PANK2: variants seen among roughly 807,000 people sequenced by gnomAD.
PANK2 encodes pantothenate kinase 2, also known as pantothenate kinase 2, mitochondrial.
A neutral mutation model predicts 43.1 loss-of-function variants in PANK2; 36 were observed. The observed-to-expected ratio is 0.84, with a 90% CI of 0.64 to 1.10. PANK2 has a LOEUF of 1.10. PANK2 is among the 50% of genes least tolerant of loss of function. The probability of loss-of-function intolerance (pLI) is 0.00; values close to 1 mark genes in which losing one functional copy is unlikely to be tolerated. For synonymous variants in PANK2, 281 were observed against 238.2 expected, an observed-to-expected ratio of 1.18 and a Z score of -1.66; for missense variants, 576 against 593.3, an observed-to-expected ratio of 0.97 and a Z score of 0.30.
intron 1 of PANK2, among the ~76,000 whole-genome samples, chr20:3,890,663 G>T (rs2090108483): frequency 6.6e-6 from 1 of 152,180 alleles, no homozygotes; most frequent in South Asian, 2.1e-4. Flanking sequence ...TTTAAATGCA[G>T]ATTGTGAGAG....
chr20:3,900,173 G>T lies in PANK2; in HGVS notation c.299-7753G>T, dbSNP rs6052155. On this transcript the variant is annotated intron_variant, in intron 1 of 6. Transcript: ENST00000610179. ...ATTTATTTTAGTCATTTAAATTCAA[G>T]TGTATAAATTCAGCAAGTGAGTTAA... is the stretch of plus-strand genomic sequence containing the variant. Among the ~76,000 whole-genome samples, 841 of 152,034 alleles carry T rather than the reference G, an allele frequency of 5.5e-3. 8 individuals are homozygous for T. Among genetic ancestry groups the T allele is most frequent in the African/African-American group, 0.019 (777 of 41,528 alleles).
intron 1 of PANK2, among the ~76,000 whole-genome samples, chr20:3,898,974 A>T (rs991491934): frequency 1.3e-5 from 2 of 151,610 alleles, no homozygotes; most frequent in African/African-American, 4.8e-5. Context: ...TCCCGGGTTC[A>T]AGTGATTCTC....
At chr20:3,906,784 T>G (rs559147459) in intron 1 of PANK2, among the ~76,000 whole-genome samples, 2 of 152,278 alleles carry the variant, frequency 1.3e-5, no homozygotes, top group East Asian at 3.9e-4. Context: ...TGCAGTCCAC[T>G]TTGATCCAAT....
intron 4 of PANK2, among the ~76,000 whole-genome samples, chr20:3,914,962 T>C (rs1397619441): frequency 6.6e-6 from 1 of 152,218 alleles, no homozygotes; most frequent in East Asian, 1.9e-4. Context: ...TTTGGATAAA[T>C]GTCTGCTGAA....
intron 6 of PANK2, among the ~76,000 whole-genome samples, chr20:3,922,317 G>T (rs192451494): frequency 1.3e-5 from 2 of 152,250 alleles, no homozygotes; most frequent in African/African-American, 4.8e-5. Context: ...GGTTTGCCCC[G>T]TTTTCTCTAA....
In PANK2 at chr20:3,927,070, AC is replaced by A. The variant is rs2090732039; in HGVS notation, c.*3777del. 1 of 152,102 alleles carries A rather than the reference AC, an allele frequency of 6.6e-6. No homozygotes were observed. The highest frequency in any genetic ancestry group is 1.5e-5 in the Non-Finnish European group (1 of 68,300). The allele number at this position is 152,102 out of a possible 1,614,324, so 9.4% of individuals were successfully genotyped here. On this transcript the variant is annotated 3_prime_UTR_variant, in exon 7 of 7. Transcript: ENST00000610179. ...GCCAGGGGGCTTCAGACTCCACTGT[AC>A]TCTGCATTCCAGGATTCTCTGTTCT...
Position 3,889,469 on chromosome 20 carries a change from G to A in PANK2, c.39G>A (p.Arg13=), listed in dbSNP as rs1327793374. 8 of 1,536,476 alleles carry A rather than the reference G, an allele frequency of 5.2e-6. No individual in the cohort carries two copies. In the African/African-American group the frequency reaches 8.2e-5, roughly 16 times the overall value. ...TCGGGCGGCAGCGACTGCTGCTGCG[G>A]ATGGGAGGGGGCCGGCTCGGCGCGC... The change falls in exon 1 of 7, where the codon CGG becomes CGA. Residue 13 remains arginine (R), a synonymous_variant. Coordinates refer to ENST00000610179, the MANE Select transcript of PANK2 (RefSeq NM_001386393.1).
At chr20:3,909,278 C>G (rs2090433068) in intron 2 of PANK2, among the ~76,000 whole-genome samples, 1 of 152,092 alleles carries the variant, frequency 6.6e-6, no homozygotes, top group South Asian at 2.1e-4. Context: ...CAGGGTTTCT[C>G]CATGTTGGTC....
intron 1 of PANK2, among the ~76,000 whole-genome samples, chr20:3,895,838 G>A (rs146903428): frequency 6.6e-6 from 1 of 152,126 alleles, no homozygotes; most frequent in Non-Finnish European, 1.5e-5. Context: ...TGAATTTGCT[G>A]ATTTTACGGT....
Position 3,910,769 on chromosome 20 carries a change from T to C in PANK2, c.844T>C (p.Ser282Pro). ...TCCTCTGCTTCTGGTGAACATTGGC[T>C]CAGGGGTTAGCATCTTAGCAGTATA... Residue 282 changes from serine (S) to proline (P), a missense_variant, in exon 3 of 7, where the codon TCA becomes CCA. By Grantham distance (74) the Ser-to-Pro change is moderately conservative. This residue lies in a region of PANK2 where 544 missense variants were observed against 528.9 expected (regional missense o/e 1.03). Transcript: ENST00000610179. 1.9e-6 allele frequency: 3 copies of C among 1,614,154 alleles called. No homozygotes were observed. The highest frequency in any genetic ancestry group is 2.5e-6 in the Non-Finnish European group (3 of 1,180,020).
rs200688305 is a variant in PANK2 at position 3,923,315 on chromosome 20, C to T, written c.*21C>T. ...CGTGATCATTACCTGGGGAGGGGTTCCTGAAACCTTCCACAATGGGATCTG... is the reference window on the plus strand; with the variant it reads ...CGTGATCATTACCTGGGGAGGGGTTTCTGAAACCTTCCACAATGGGATCTG... On this transcript the variant is annotated 3_prime_UTR_variant, in exon 7 of 7. Coordinates refer to ENST00000610179, the MANE Select transcript of PANK2 (RefSeq NM_001386393.1). 8.2e-5 allele frequency: 133 copies of T among 1,613,276 alleles called. No individual in the cohort carries two copies. The highest frequency in any genetic ancestry group is 1.0e-4 in the Non-Finnish European group (120 of 1,179,402).
intron 1 of PANK2, chr20:3,901,651 TAA>T: frequency 1.1e-6 from 1 of 939,972 alleles, no homozygotes; most frequent in South Asian, 5.0e-5. Flanking sequence ...CTTATTTTTG[TAA>T]AAGTCAGTAC....
chr20:3,910,571 T>A lies in PANK2; in HGVS notation c.652-6T>A. ...AAAGTCTGAGTACATTCTTATTTCA[T>A]TACAGATAGGTGATCTTCAGCTTTG... On this transcript the variant is annotated splice_region_variant and splice_polypyrimidine_tract_variant and intron_variant, in intron 2 of 6. Transcript: ENST00000610179. The A allele has an allele frequency of 6.2e-7, 1 of 1,614,108 alleles. No individual in the cohort carries two copies. Among genetic ancestry groups the A allele is most frequent in the Non-Finnish European group, 8.5e-7 (1 of 1,180,002 alleles).
In PANK2 at chr20:3,928,855, TTG is replaced by T. The variant is rs2090772712; in HGVS notation, c.*5567_*5568del. On this transcript the variant is annotated 3_prime_UTR_variant, in exon 7 of 7. Transcript: ENST00000610179. ...ATTCTGTAGGAAGCATTTTCTTTTC[TTG>T]TGTGTTTTTTTGAGACGGAGTCTCG... 6.6e-6 allele frequency: 1 copy of T among 151,600 alleles called. No individual in the cohort carries two copies. Among genetic ancestry groups the T allele is most frequent in the Non-Finnish European group, 1.5e-5 (1 of 67,870 alleles). 9.4% of individuals were successfully genotyped at this position (151,600 alleles called of 1,614,324 possible).
chr20:3,920,576 G>A (rs1376829826), intron 6 of PANK2, among the ~76,000 whole-genome samples: 2 of 151,812 alleles, frequency 1.3e-5, no homozygotes, highest in African/African-American at 4.8e-5. Context: ...GCCAGGTGCA[G>A]CGGCTCACGC....
intron 1 of PANK2, among the ~76,000 whole-genome samples, chr20:3,897,124 G>C (rs2090222046): frequency 6.6e-6 from 1 of 152,132 alleles, no homozygotes; most frequent in South Asian, 2.1e-4. Context: ...CTTTGTGTGT[G>C]GGCTCACAGA....
chr20:3,893,670 A>G (rs2090158171), intron 1 of PANK2, among the ~76,000 whole-genome samples: 2 of 152,182 alleles, frequency 1.3e-5, no homozygotes, highest in Admixed American at 6.5e-5. Context: ...TCTAACCTTC[A>G]TAATACAGTT....
chr20:3,902,076 A>G (rs2090310871), intron 1 of PANK2, among the ~76,000 whole-genome samples: 2 of 151,570 alleles, frequency 1.3e-5, no homozygotes. Flanking sequence ...GAGTAACCTG[A>G]TGATTGGTGT....
At chr20:3,907,299 A>G (rs1043694808) in intron 1 of PANK2, among the ~76,000 whole-genome samples, 4 of 151,834 alleles carry the variant, frequency 2.6e-5, no homozygotes, top group African/African-American at 9.7e-5. Flanking sequence ...GGGTTTTACC[A>G]TATTGGTCAG....
Sources: gnomAD v4.1 joint callset for allele counts (sites outside exome capture counted in the v4.1 genomes callset) on GRCh38, gnomAD v4.1.1 for gene constraint, gnomAD v4.1.1 regional missense constraint, MANE v1.5 for transcripts, NCBI Gene and HGNC (gene_info 2026-07-23, HGNC 2026-07-21) for gene names.